The following RBFOX1 variants were observed in gnomAD, a reference collection of about 807,000 sequenced individuals.
RBFOX1 encodes the protein RNA binding protein fox-1 homolog 1.
A neutral mutation model predicts 57.7 loss-of-function variants in RBFOX1; 8 were observed. That is an observed-to-expected ratio of 0.14 (90% CI 0.08 to 0.25). RBFOX1 has a LOEUF of 0.25. RBFOX1 is among the 10% of genes least tolerant of loss of function. The pLI is 1.00. For missense variants in RBFOX1, 611 were observed against 548.5 expected (o/e 1.11, Z -1.14); for synonymous variants, 326 against 222.4 (o/e 1.47, Z -4.15).
intron 1 of RBFOX1, among the ~76,000 whole-genome samples, chr16:6,039,562 G>A (rs892285117): frequency 2.6e-5 from 4 of 152,036 alleles, no homozygotes; most frequent in Non-Finnish European, 5.9e-5. Context: ...CATTGCCACT[G>A]AATAATTATG....
Position 6,384,626 on chromosome 16 carries a change from C to A in RBFOX1, c.-64+67569C>A, listed in dbSNP as rs77437533. Among the ~76,000 whole-genome samples, 1,177 of 152,292 alleles carry A rather than the reference C, an allele frequency of 7.7e-3. 13 individuals carry two copies. The highest frequency in any genetic ancestry group is 0.027 in the African/African-American group (1,111 of 41,562). The stretch of plus-strand genomic sequence containing the variant: ...AGGTCATCTAATTCGTCTCCTTTTG[C>A]AATTACAGAATTATTTCTTTGAAGG... On this transcript the variant is annotated intron_variant, in intron 2 of 15. Transcript: ENST00000550418.
chr16:5,914,864 C>T (rs1954845676), intron 4 of RBFOX1, among the ~76,000 whole-genome samples: 1 of 151,970 alleles, frequency 6.6e-6, no homozygotes, highest in Non-Finnish European at 1.5e-5. Flanking sequence ...CACTGCACTC[C>T]AGCCTAGGCG....
chr16:7,384,155 T>C lies in RBFOX1; in HGVS notation c.28-133992T>C, dbSNP rs193269068. The stretch of plus-strand genomic sequence containing the variant: ...CTTATATTTACGGGAGAGATATGTA[T>C]GCTTATCTGTGCTTTTCATATATAT... On this transcript the variant is annotated intron_variant, in intron 4 of 15. Coordinates refer to ENST00000550418, the MANE Select transcript of RBFOX1 (RefSeq NM_018723.4). 1.3e-4 allele frequency among the ~76,000 whole-genome samples: 19 copies of C among 151,982 alleles called. No homozygotes were observed. The East Asian group carries it at 2.5e-3, about 20-fold the overall frequency.
At chr16:5,717,124 G>A (rs1368544708) in intron 3 of RBFOX1, among the ~76,000 whole-genome samples, 1 of 152,118 alleles carries the variant, frequency 6.6e-6, no homozygotes, top group Non-Finnish European at 1.5e-5. Flanking sequence ...GGGTCTGGTA[G>A]AAAGAGCTTA....
At chr16:7,060,966 C>G (rs895426849) in intron 4 of RBFOX1, among the ~76,000 whole-genome samples, 1 of 152,156 alleles carries the variant, frequency 6.6e-6, no homozygotes, top group East Asian at 1.9e-4. Flanking sequence ...TTACAGAGAA[C>G]CCTCAGGATT....
intron 2 of RBFOX1, among the ~76,000 whole-genome samples, chr16:6,498,054 G>T (rs2095820236): frequency 6.6e-6 from 1 of 151,858 alleles, no homozygotes; most frequent in South Asian, 2.1e-4. Flanking sequence ...TTTGAGACCA[G>T]CCTTGCCAGC....
At chr16:5,266,786 T>C (rs1019641594) in intron 1 of RBFOX1, among the ~76,000 whole-genome samples, 2 of 151,982 alleles carry the variant, frequency 1.3e-5, no homozygotes, top group Non-Finnish European at 2.9e-5. Context: ...CTCGAGCTGT[T>C]GGGCTCAAGC....
chr16:5,543,847 C>T (rs1281889571), intron 2 of RBFOX1, among the ~76,000 whole-genome samples: 6 of 152,012 alleles, frequency 3.9e-5, no homozygotes, highest in Admixed American at 6.5e-5. Context: ...ATTTTTTGGT[C>T]AGAAATAATT....
At chr16:6,519,727 C>A (rs62015466) in intron 2 of RBFOX1, among the ~76,000 whole-genome samples, 1 of 151,970 alleles carries the variant, frequency 6.6e-6, no homozygotes, top group African/African-American at 2.4e-5. Flanking sequence ...GAAAACTCTG[C>A]GAGAACTACC....
intron 4 of RBFOX1, among the ~76,000 whole-genome samples, chr16:7,154,490 G>C (rs1419008992): frequency 6.6e-6 from 1 of 152,200 alleles, no homozygotes; most frequent in Non-Finnish European, 1.5e-5. Context: ...GCTTGAATCT[G>C]CTCAGTGACA....
At chr16:6,636,094 G>C (rs1043526083) in intron 2 of RBFOX1, among the ~76,000 whole-genome samples, 1 of 152,142 alleles carries the variant, frequency 6.6e-6, no homozygotes, top group African/African-American at 2.4e-5. Context: ...ATGGAGGTCG[G>C]GTATTGAATT....
At chr16:6,983,311 ATTAT>A (rs2089443488) in intron 3 of RBFOX1, among the ~76,000 whole-genome samples, 1 of 152,102 alleles carries the variant, frequency 6.6e-6, no homozygotes, top group African/African-American at 2.4e-5. Flanking sequence ...AGTTTTGTCC[ATTAT>A]TTCTTTAGCC....
Position 6,800,767 on chromosome 16 carries a change from C to T in RBFOX1, c.-16+146117C>T, listed in dbSNP as rs560173395. Among the ~76,000 whole-genome samples the T allele has an allele frequency of 1.8e-4, 28 of 152,184 alleles. No homozygotes were observed. The East Asian group carries it at 5.0e-3, about 27-fold the overall frequency. ...GTACAAAGTAAGGGTCTCTAGAAAG[C>T]AGTAGATGACAAAGTAGCTTTTGAA... On this transcript the variant is annotated intron_variant, in intron 3 of 15. Transcript: ENST00000550418.
intron 2 of RBFOX1, among the ~76,000 whole-genome samples, chr16:6,593,617 T>C (rs1039005655): frequency 6.6e-6 from 1 of 152,204 alleles, no homozygotes; most frequent in African/African-American, 2.4e-5. Flanking sequence ...TTTCAAATTA[T>C]GCTGGTAATG....
chr16:5,432,821 T>C (rs1597044758), intron 1 of RBFOX1, among the ~76,000 whole-genome samples: 1 of 152,068 alleles, frequency 6.6e-6, no homozygotes, highest in Non-Finnish European at 1.5e-5. Flanking sequence ...GGTCTTACTC[T>C]GTCTCCTGGG....
At chr16:5,685,340 A>G (rs377425067) in intron 3 of RBFOX1, among the ~76,000 whole-genome samples, 1 of 152,184 alleles carries the variant, frequency 6.6e-6, no homozygotes, top group Non-Finnish European at 1.5e-5. Context: ...TTAGCCTCCA[A>G]GTAAGTCATT....
At chr16:7,229,654 GGAGGAAGGGC>G in intron 4 of RBFOX1, among the ~76,000 whole-genome samples, 2 of 109,454 alleles carry the variant, frequency 1.8e-5, no homozygotes, top group Admixed American at 9.0e-5. Context: ...GGAGAGAGAG[GGAGGAAGGGC>G]AAAGGAAGTA....
At chr16:7,450,279 A>G in intron 4 of RBFOX1, among the ~76,000 whole-genome samples, 1 of 150,834 alleles carries the variant, frequency 6.6e-6, no homozygotes, top group Non-Finnish European at 1.5e-5. Context: ...CTGTAATCCC[A>G]GCTACTTGGG....
At chr16:5,423,065 AGAG>A (rs1362724375) in intron 1 of RBFOX1, among the ~76,000 whole-genome samples, 50 of 86,918 alleles carry the variant, frequency 5.8e-4, no homozygotes, top group African/African-American at 1.3e-3. Context: ...AGGGGAGGAA[AGAG>A]GAGGAGGAAG....
Sources: allele counts gnomAD v4.1 joint callset (sites outside exome capture counted in the v4.1 genomes callset), GRCh38; gene constraint gnomAD v4.1.1; transcripts MANE v1.5; gene names NCBI Gene and HGNC (gene_info 2026-07-23, HGNC 2026-07-21).